The following LTBP2 variants were observed in gnomAD, a reference collection of about 807,000 sequenced individuals.
LTBP2 encodes latent transforming growth factor beta binding protein 2.
In LTBP2, 103 loss-of-function variants were observed where a neutral mutation model predicts 210.6. The ratio of observed to expected loss-of-function variants is 0.49; its 90% CI spans 0.42 to 0.58. LTBP2 has a LOEUF of 0.58. Among genes scored for constraint, LTBP2 ranks in the 20% least tolerant of loss-of-function variants. The pLI is 0.00. For missense variants in LTBP2, 2,313 were observed against 2,494.5 expected, an observed-to-expected ratio of 0.93 and a Z score of 1.55; for synonymous variants, 1,007 against 1,015.0, an observed-to-expected ratio of 0.99 and a Z score of 0.15.
chr14:74,551,917 A>C (rs556585430), intron 6 of LTBP2, among the ~76,000 whole-genome samples: 2 of 152,274 alleles, frequency 1.3e-5, no homozygotes, highest in South Asian at 2.1e-4. Context: ...GGATTCCTTG[A>C]GGGCGGCACC....
intron 24 of LTBP2, 105 bp downstream of exon 24, chr14:74,508,499 C>T (rs2087020963): frequency 2.6e-6 from 4 of 1,530,592 alleles, no homozygotes; most frequent in East Asian, 2.4e-5. Flanking sequence ...AAAAGGGACA[C>T]CACTCTAGTC....
intron 3 of LTBP2, among the ~76,000 whole-genome samples, chr14:74,561,867 T>C (rs1021475167): frequency 5.9e-5 from 9 of 151,894 alleles, no homozygotes; most frequent in African/African-American, 2.2e-4. Flanking sequence ...CAGGGATAGA[T>C]AGGATTTTAA....
At position 74,526,099 on chromosome 14, in the gene LTBP2, T is replaced by C; in HGVS notation, c.2404A>G (p.Thr802Ala). Reference sequence around the variant, plus strand: ...CCTGTGACCCAGGCAGGTGCATGAGTGACACTGGTCGTGACCTGCACAGAA... The same window carrying C: ...CCTGTGACCCAGGCAGGTGCATGAGCGACACTGGTCGTGACCTGCACAGAA... ...SQAGQVTTSV[T>A]HAPAWVTGNA... is the part of the protein sequence containing the mutation. Residue 802 changes from threonine (T) to alanine (A), a missense_variant, in exon 14 of 36, where the codon ACT becomes GCT. This residue lies in a region of LTBP2 where 1,867 missense variants were observed against 1,976.9 expected (regional missense o/e 0.94). Coordinates refer to ENST00000261978, the MANE Select transcript of LTBP2 (RefSeq NM_000428.3). 6.2e-7 allele frequency: 1 copy of C among 1,604,414 alleles called. No homozygotes were observed. Among genetic ancestry groups the C allele is most frequent in the South Asian group, 1.1e-5 (1 of 89,216 alleles).
At chr14:74,530,425 G>GA (rs1462131334) in intron 10 of LTBP2, among the ~76,000 whole-genome samples, 1 of 152,240 alleles carries the variant, frequency 6.6e-6, no homozygotes, top group Non-Finnish European at 1.5e-5. Flanking sequence ...TCACACAGAG[G>GA]AAAGAGCAGG....
chr14:74,518,976 G>A (rs2087168456), intron 17 of LTBP2, among the ~76,000 whole-genome samples: 1 of 152,202 alleles, frequency 6.6e-6, no homozygotes, highest in Non-Finnish European at 1.5e-5. Context: ...GATAGATGGT[G>A]CTGGAAAACT....
chr14:74,546,002 T>C (rs188467678), intron 8 of LTBP2, among the ~76,000 whole-genome samples: 37 of 152,312 alleles, frequency 2.4e-4, no homozygotes, highest in Non-Finnish European at 2.9e-5. Context: ...GGCAGTCCTT[T>C]TCCATGTCAG....
In LTBP2 at chr14:74,611,915, C is replaced by G; in HGVS notation, c.30G>C (p.Pro10=). ...TCCAGGGGTTCCGCAGGGCGCGCCC[C>G]GGGCTGCGGGCTTTGGTCCGCGGCC... MRPRTKARS[P]GRALRNPWRG... The change falls in exon 1 of 36, where the codon CCG becomes CCC. Residue 10 remains proline (P), a synonymous_variant. Transcript: ENST00000261978. 1 of 1,590,658 alleles carries G rather than the reference C, an allele frequency of 6.3e-7. No homozygotes were observed. The highest frequency in any genetic ancestry group is 8.5e-7 in the Non-Finnish European group (1 of 1,172,250).
intron 7 of LTBP2, among the ~76,000 whole-genome samples, chr14:74,550,256 C>T (rs2087634590): frequency 6.6e-6 from 1 of 152,218 alleles, no homozygotes; most frequent in South Asian, 2.1e-4. Context: ...CAACCACAGA[C>T]AAAGGGTCCT....
intron 3 of LTBP2, among the ~76,000 whole-genome samples, chr14:74,561,807 G>A (rs2087797436): frequency 6.6e-6 from 1 of 152,166 alleles, no homozygotes; most frequent in Non-Finnish European, 1.5e-5. Context: ...AGAGGTACAG[G>A]AGTTCAGATA....
chr14:74,547,641 A>G (rs2087594680), intron 8 of LTBP2, among the ~76,000 whole-genome samples: 1 of 152,124 alleles, frequency 6.6e-6, no homozygotes, highest in Non-Finnish European at 1.5e-5. Context: ...TGCCACTTGG[A>G]TGAAATCTCA....
chr14:74,512,048 C>T (rs559771235), intron 18 of LTBP2, among the ~76,000 whole-genome samples: 14 of 152,294 alleles, frequency 9.2e-5, no homozygotes, highest in East Asian at 3.9e-4. Context: ...ACCCAGGGGA[C>T]GAGAGGACCC....
At chr14:74,559,420 A>G (rs1180142411) in intron 3 of LTBP2, among the ~76,000 whole-genome samples, 5 of 152,104 alleles carry the variant, frequency 3.3e-5, no homozygotes, top group Admixed American at 3.3e-4. Context: ...AGAAGCTCCC[A>G]GGTTTTTTTA....
chr14:74,566,968 G>A (rs1446557124), intron 3 of LTBP2, among the ~76,000 whole-genome samples: 1 of 152,230 alleles, frequency 6.6e-6, no homozygotes, highest in Non-Finnish European at 1.5e-5. Flanking sequence ...ACAGACCCCA[G>A]GGGATGACCC....
rs747535812 is a variant in LTBP2, at chr14:74,503,454, C to T, written c.4720+15G>A. ...GGTACCCTTCTCCTGCTCCCCCACG[C>T]TCAGGCCCACTCACCCGTGCTGCTG... On this transcript the variant is annotated intron_variant, in intron 32 of 35. Transcript: ENST00000261978. The T allele has an allele frequency of 1.9e-6, 3 of 1,609,728 alleles. No homozygotes were observed. The highest frequency in any genetic ancestry group is 2.5e-6 in the Non-Finnish European group (3 of 1,179,244).
chr14:74,596,266 A>T lies in LTBP2; in HGVS notation c.565+7369T>A, dbSNP rs7148701. On this transcript the variant is annotated intron_variant, in intron 2 of 35. Transcript: ENST00000261978. ...ATAAATAAATAAATAAATAAATAAA[A>T]ATTAAAAACAAAGAAGTGGAGCAGA... Among the ~76,000 whole-genome samples, 107 of 76,686 alleles carry T rather than the reference A, an allele frequency of 1.4e-3. 1 individual carries two copies. The highest frequency in any genetic ancestry group is 5.3e-3 in the African/African-American group (75 of 14,026). 50.3% of individuals were successfully genotyped at this position (76,686 alleles called of 152,430 possible).
intron 9 of LTBP2, among the ~76,000 whole-genome samples, chr14:74,535,052 C>T (rs905326927): frequency 1.3e-5 from 2 of 152,144 alleles, no homozygotes; most frequent in Non-Finnish European, 2.9e-5. Context: ...TCCCTACATC[C>T]ACTGTCTGCT....
intron 28 of LTBP2, among the ~76,000 whole-genome samples, chr14:74,505,572 C>T (rs1488418160): frequency 2.0e-5 from 3 of 152,104 alleles, no homozygotes; most frequent in Non-Finnish European, 4.4e-5. Context: ...GCCCCTCCCA[C>T]CCTTCCTCGT....
At chr14:74,510,614 G>C (rs933414719) in intron 19 of LTBP2, among the ~76,000 whole-genome samples, 1 of 152,240 alleles carries the variant, frequency 6.6e-6, no homozygotes, top group Non-Finnish European at 1.5e-5. Context: ...CCAACAAGCA[G>C]CTTCTGCGGG....
rs540015408 is a variant in LTBP2 at position 74,581,023 on chromosome 14, G to A, written c.830+4831C>T. On this transcript the variant is annotated intron_variant, in intron 3 of 35. Transcript: ENST00000261978. Reference sequence around the variant, plus strand: ...AGCAAGTGCCAAGGCCCTGAGGTGGGAGCATCTCCAGCACATTTGAGGAAA... The same window carrying A: ...AGCAAGTGCCAAGGCCCTGAGGTGGAAGCATCTCCAGCACATTTGAGGAAA... Among the ~76,000 whole-genome samples the A allele has an allele frequency of 4.9e-4, 75 of 152,188 alleles. 1 individual carries two copies. The highest frequency in any genetic ancestry group is 9.1e-4 in the Non-Finnish European group (62 of 68,030).
Sources: allele counts gnomAD v4.1 joint callset (sites outside exome capture counted in the v4.1 genomes callset), GRCh38; gene constraint gnomAD v4.1.1; regional missense constraint gnomAD v4.1.1; transcripts MANE v1.5; gene names NCBI Gene and HGNC (gene_info 2026-07-23, HGNC 2026-07-21).